CHRDL2: variants seen among roughly 807,000 people sequenced by gnomAD.
CHRDL2 encodes the protein chordin-like protein 2.
CHRDL2 carries 41 observed loss-of-function variants against 54.3 expected under a neutral mutation model. The ratio of observed to expected loss-of-function variants is 0.76; its 90% CI spans 0.59 to 0.98. The LOEUF (loss-of-function observed/expected upper bound fraction) is 0.98. Among genes scored for constraint, CHRDL2 ranks in the 50% least tolerant of loss-of-function variants. The pLI is 0.00. For synonymous variants in CHRDL2, 220 were observed against 224.3 expected (o/e 0.98, Z 0.17); for missense variants, 518 against 562.4 (o/e 0.92, Z 0.80).
At chr11:74,712,321 G>A (rs76059845) in intron 3 of CHRDL2, among the ~76,000 whole-genome samples, 57,204 of 151,784 alleles carry the variant, frequency 0.38, 11,627 homozygotes, top group East Asian at 0.55. Context: ...GGTGAGCAGA[G>A]TCTTGAAGAA....
Position 74,696,648 on chromosome 11 carries a change from G to A in CHRDL2, c.1214-63C>T, listed in dbSNP as rs2033604128. On this transcript the variant is annotated intron_variant, in intron 10 of 10. Coordinates refer to ENST00000376332, the MANE Select transcript of CHRDL2 (RefSeq NM_001278473.3). Reference sequence around the variant, plus strand: ...TGTCTGCACGTGCACAACAGAGGCAGCAGCTGGGGGTTGGAAAAGCCTTGG... The same window carrying A: ...TGTCTGCACGTGCACAACAGAGGCAACAGCTGGGGGTTGGAAAAGCCTTGG... The A allele has an allele frequency of 3.2e-6, 4 of 1,242,822 alleles. No individual in the cohort carries two copies. The Admixed American group carries it at 5.1e-5, about 16-fold the overall frequency. The allele number at this position is 1,242,822 out of a possible 1,614,324, so 77.0% of individuals were successfully genotyped here. A position where few individuals can be genotyped will look rare whatever the true frequency, so the allele number is the denominator to read the frequency against.
intron 2 of CHRDL2, among the ~76,000 whole-genome samples, chr11:74,714,824 C>T (rs1240210316): frequency 2.6e-5 from 4 of 152,026 alleles, no homozygotes; most frequent in Admixed American, 6.5e-5. Flanking sequence ...CCAAGGATGG[C>T]GATGATTATT....
Position 74,730,929 on chromosome 11 carries a change from G to C in CHRDL2, c.-41C>G, listed in dbSNP as rs1450757890. 4 of 1,529,150 alleles carry C rather than the reference G, an allele frequency of 2.6e-6. No individual in the cohort carries two copies. Among genetic ancestry groups the C allele is most frequent in the African/African-American group, 2.7e-5 (2 of 73,414 alleles). 94.7% of individuals were successfully genotyped at this position (1,529,150 alleles called of 1,614,324 possible). A position where few individuals can be genotyped will look rare whatever the true frequency, so the allele number is the denominator to read the frequency against. On this transcript the variant is annotated 5_prime_UTR_variant, in exon 1 of 11. Transcript: ENST00000376332. ...AGGCCGCTGGTCCGGGAGCGGAGTC[G>C]GGAGGAAGGGAGACGAAAAGGACAC...
Position 74,704,625 on chromosome 11 carries a change from A to G in CHRDL2, c.612T>C (p.Asp204=), listed in dbSNP as rs780339715. The G allele has an allele frequency of 2.5e-6, 4 of 1,605,524 alleles. No homozygotes were observed. In the South Asian group the frequency reaches 3.4e-5, roughly 14 times the overall value. The change falls in exon 7 of 11, where the codon GAT becomes GAC. Residue 204 remains aspartate (D), a synonymous_variant. Coordinates refer to ENST00000376332, the MANE Select transcript of CHRDL2 (RefSeq NM_001278473.3). ...TGCCCGGGCCTCTCTTTCTCCCAGC[A>G]TCACTGGAACATGGATCCTGAGGAT... ...VRHPQDPCSS[D]AGRKRGPGTP...
chr11:74,697,124 C>G (rs2033623343), intron 10 of CHRDL2, 81 bp downstream of exon 10: 1 of 1,112,418 alleles, frequency 9.0e-7, no homozygotes, highest in African/African-American at 1.5e-5. Flanking sequence ...GCACCAGCAG[C>G]CTGGGAACTC....
chr11:74,713,601 G>T, intron 2 of CHRDL2, 122 bp from the exon 3 acceptor site: 1 of 723,392 alleles, frequency 1.4e-6, no homozygotes, highest in Non-Finnish European at 2.3e-6. Flanking sequence ...CCTGTGATTG[G>T]ACTGAAAACA....
chr11:74,717,599 G>A (rs936662074), intron 2 of CHRDL2, among the ~76,000 whole-genome samples: 3 of 152,128 alleles, frequency 2.0e-5, no homozygotes, highest in Admixed American at 6.5e-5. Context: ...ACCCCAGGAG[G>A]AGTGAGACCC....
intron 1 of CHRDL2, among the ~76,000 whole-genome samples, chr11:74,721,741 T>G (rs2034503293): frequency 6.6e-6 from 1 of 152,264 alleles, no homozygotes; most frequent in South Asian, 2.1e-4. Context: ...AAGTTCACTG[T>G]GTGACATTCA....
At chr11:74,708,565 CCCCGTGCCCT>C (rs1320299215) in intron 4 of CHRDL2, among the ~76,000 whole-genome samples, 170 bp from the exon 5 acceptor site, 3 of 152,140 alleles carry the variant, frequency 2.0e-5, no homozygotes, top group Non-Finnish European at 2.9e-5. Context: ...AGGAGGGGTC[CCCCGTGCCCT>C]CCCAGCCCCA....
intron 1 of CHRDL2, among the ~76,000 whole-genome samples, chr11:74,724,955 G>A (rs1192534076): frequency 6.6e-6 from 1 of 151,968 alleles, no homozygotes; most frequent in Non-Finnish European, 1.5e-5. Context: ...GATTCTGGAA[G>A]AGGAGCCAAT....
chr11:74,729,721 AT>A (rs2034623684), intron 1 of CHRDL2, among the ~76,000 whole-genome samples: 1 of 152,204 alleles, frequency 6.6e-6, no homozygotes, highest in African/African-American at 2.4e-5. Flanking sequence ...CAGGGTCTTA[AT>A]CCCAGGCTGT....
intron 2 of CHRDL2, among the ~76,000 whole-genome samples, chr11:74,715,188 C>G (rs2034314866): frequency 6.6e-6 from 1 of 152,182 alleles, no homozygotes; most frequent in Non-Finnish European, 1.5e-5. Flanking sequence ...CATTCACGCT[C>G]AATACTTGCT....
intron 9 of CHRDL2, among the ~76,000 whole-genome samples, chr11:74,700,123 CTG>C (rs1215428115): frequency 6.6e-6 from 1 of 152,232 alleles, no homozygotes; most frequent in Non-Finnish European, 1.5e-5. Context: ...ACTGCTTAAA[CTG>C]TGTGACTTTG....
At chr11:74,728,895 CAT>C (rs2034609882) in intron 1 of CHRDL2, among the ~76,000 whole-genome samples, 1 of 152,124 alleles carries the variant, frequency 6.6e-6, no homozygotes, top group South Asian at 2.1e-4. Flanking sequence ...CTTTTTCTCA[CAT>C]GTCTGGAGAT....
chr11:74,710,790 T>G, intron 4 of CHRDL2, 59 bp downstream of exon 4: 2 of 1,585,662 alleles, frequency 1.3e-6, no homozygotes, highest in South Asian at 2.3e-5. Flanking sequence ...TCCAGGCTAC[T>G]ATGTTCTTTG....
intron 1 of CHRDL2, among the ~76,000 whole-genome samples, chr11:74,724,069 C>A (rs1291401831): frequency 2.6e-5 from 4 of 152,222 alleles, no homozygotes. Context: ...GTGAAGAACA[C>A]AGATAGATAC....
At chr11:74,727,015 A>G (rs2034582566) in intron 1 of CHRDL2, among the ~76,000 whole-genome samples, 1 of 152,202 alleles carries the variant, frequency 6.6e-6, no homozygotes, top group South Asian at 2.1e-4. Flanking sequence ...CTGGCAGGGC[A>G]GGAGTACCAC....
chr11:74,707,964 G>A (rs1346867586), intron 5 of CHRDL2, among the ~76,000 whole-genome samples: 2 of 152,158 alleles, frequency 1.3e-5, no homozygotes, highest in Non-Finnish European at 2.9e-5. Context: ...AGACTTTTCT[G>A]AGAAGCAGAG....
chr11:74,701,879 A>G (rs1053926979), intron 9 of CHRDL2, among the ~76,000 whole-genome samples: 1 of 152,204 alleles, frequency 6.6e-6, no homozygotes, highest in Admixed American at 6.5e-5. Flanking sequence ...AATTTGGATC[A>G]TGGCTTAACA....
Sources: gnomAD v4.1 joint callset for allele counts (sites outside exome capture counted in the v4.1 genomes callset) on GRCh38, gnomAD v4.1.1 for gene constraint, MANE v1.5 for transcripts, NCBI Gene and HGNC (gene_info 2026-07-23, HGNC 2026-07-21) for gene names.